The following SCN3A variants were observed in gnomAD, a reference collection of about 807,000 sequenced individuals.
SCN3A encodes sodium voltage-gated channel alpha subunit 3.
SCN3A carries 60 observed loss-of-function variants against 187.6 expected under a neutral mutation model. The observed-to-expected ratio is 0.32, with a 90% CI of 0.26 to 0.40. SCN3A has a LOEUF of 0.40. SCN3A is among the 10% of genes least tolerant of loss of function. The pLI, the probability that SCN3A is intolerant of heterozygous loss-of-function variation, is 1.00. For missense variants in SCN3A, 1,601 were observed against 2,428.2 expected, an observed-to-expected ratio of 0.66 and a Z score of 7.16; for synonymous variants, 788 against 829.2, an observed-to-expected ratio of 0.95 and a Z score of 0.85.
Position 165,176,457 on chromosome 2 carries a change from A to G in SCN3A, c.-50-13T>C, listed in dbSNP as rs1376537044. ...GCATACGAATTACCTGCAATAAAAG[A>G]AAAATTGCACAAGAGTTAGGAAAGC... On this transcript the variant is annotated splice_polypyrimidine_tract_variant and intron_variant, in intron 2 of 27. Transcript: ENST00000283254. 1 of 1,602,172 alleles carries G rather than the reference A, an allele frequency of 6.2e-7. No homozygotes were observed. The highest frequency in any genetic ancestry group is 8.5e-7 in the Non-Finnish European group (1 of 1,171,170).
In SCN3A at chr2:165,093,478, CTTATA is replaced by C. The variant is rs547304385; in HGVS notation, c.4536+891_4536+895del. The C allele has an allele frequency of 3.9e-4, 59 of 152,154 alleles. 1 individual carries two copies. In the East Asian group the frequency reaches 0.011, roughly 27 times the overall value. The allele number at this position is 152,154 out of a possible 1,614,324, so 9.4% of individuals were successfully genotyped here. On this transcript the variant is annotated intron_variant, in intron 26 of 27. Transcript: ENST00000283254. ...CAGGAACAACATGCTTTCAAAGATT[CTTATA>C]TTAATATGGCTAGTAAATACAGTTT...
chr2:165,170,190 A>G (rs549851298), intron 4 of SCN3A, among the ~76,000 whole-genome samples: 3 of 152,002 alleles, frequency 2.0e-5, no homozygotes, highest in Non-Finnish European at 1.5e-5. Flanking sequence ...TTTTCCTACT[A>G]TGTGTTTCCT....
intron 21 of SCN3A, among the ~76,000 whole-genome samples, chr2:165,112,566 C>T (rs958834723): frequency 2.0e-5 from 3 of 152,158 alleles, no homozygotes; most frequent in African/African-American, 4.8e-5. Flanking sequence ...TGTTAATAAG[C>T]TAAGTGCTTA....
chr2:165,143,011 CA>C (rs1688105729), intron 12 of SCN3A, among the ~76,000 whole-genome samples: 1 of 152,112 alleles, frequency 6.6e-6, no homozygotes, highest in South Asian at 2.1e-4. Flanking sequence ...CCTGGCCTCC[CA>C]AAGCCCTGAG....
At chr2:165,167,522 CAA>C in intron 5 of SCN3A, among the ~76,000 whole-genome samples, 1 of 152,164 alleles carries the variant, frequency 6.6e-6, no homozygotes, top group Non-Finnish European at 1.5e-5. Flanking sequence ...AAAAATATAA[CAA>C]TAAAAAGAGC....
chr2:165,201,421 A>G (rs1298194278), intron 1 of SCN3A, among the ~76,000 whole-genome samples: 1 of 152,094 alleles, frequency 6.6e-6, no homozygotes, highest in African/African-American at 2.4e-5. Context: ...GATAACAATA[A>G]TAACAATGAT....
rs375304941 is a variant in SCN3A, at chr2:165,199,625, T to TGGTA, written c.-248+4194_-248+4197dup. Among the ~76,000 whole-genome samples the TGGTA allele has an allele frequency of 8.8e-3, 1,336 of 151,970 alleles. 35 individuals are homozygous for TGGTA. Among genetic ancestry groups the TGGTA allele is most frequent in the African/African-American group, 0.03 (1,250 of 41,514 alleles). The stretch of plus-strand genomic sequence containing the variant: ...AAAATACTTGGCACATTGAAACTTG[T>TGGTA]GGTATCCAGTTAAGTAGGTATTCAT... On this transcript the variant is annotated intron_variant, in intron 1 of 27. Coordinates refer to ENST00000283254, the MANE Select transcript of SCN3A (RefSeq NM_006922.4).
intron 26 of SCN3A, 153 bp downstream of exon 26, chr2:165,094,221 G>A: frequency 1.3e-6 from 1 of 742,846 alleles, no homozygotes; most frequent in Non-Finnish European, 2.4e-6. Context: ...CCTAATGAGT[G>A]CAGAAGTTGT....
rs1401270415 is a variant in SCN3A, at chr2:165,112,962, G to A, written c.3766C>T (p.Leu1256Phe). Residue 1256 changes from leucine (L) to phenylalanine (F), a missense_variant, in exon 21 of 28, where the codon CTT becomes TTT. By Grantham distance (22) the Leu-to-Phe change is conservative. Transcript: ENST00000283254. ...AATCCATAAGCAACCCATTTGAGAA[G>A]CATTTCCAGAATGAATATATAGGTA... ...VFTYIFILEMLLKWVAYGFQT... is the reference protein window; with the variant it reads ...VFTYIFILEMFLKWVAYGFQT... 6.2e-7 allele frequency: 1 copy of A among 1,613,346 alleles called. No homozygotes were observed. The highest frequency in any genetic ancestry group is 2.2e-5 in the East Asian group (1 of 44,796).
chr2:165,157,263 A>G lies in SCN3A; in HGVS notation c.1032-1360T>C, dbSNP rs541938124. 3.3e-4 allele frequency among the ~76,000 whole-genome samples: 51 copies of G among 152,272 alleles called. No individual in the cohort carries two copies. The South Asian group carries it at 4.8e-3, about 14-fold the overall frequency. ...TGTTCCAGGATCCCATTCAGGATAC[A>G]CATCGCATTTAGTAGTTATGTCTTT... is the stretch of plus-strand genomic sequence containing the variant. On this transcript the variant is annotated intron_variant, in intron 9 of 27. Coordinates refer to ENST00000283254, the MANE Select transcript of SCN3A (RefSeq NM_006922.4).
At chr2:165,143,382 A>G (rs867238044) in intron 12 of SCN3A, among the ~76,000 whole-genome samples, 7 of 152,186 alleles carry the variant, frequency 4.6e-5, no homozygotes, top group South Asian at 2.1e-4. Flanking sequence ...TACATCCACT[A>G]TGTATCTGGG....
chr2:165,106,636 G>C (rs1442240022), intron 21 of SCN3A, among the ~76,000 whole-genome samples: 8 of 152,192 alleles, frequency 5.3e-5, no homozygotes, highest in Admixed American at 5.2e-4. Flanking sequence ...TGCTGCATAA[G>C]TTGTTGTGAA....
chr2:165,171,380 C>G (rs142148431), intron 3 of SCN3A, among the ~76,000 whole-genome samples: 43 of 152,070 alleles, frequency 2.8e-4, no homozygotes, highest in Non-Finnish European at 5.3e-4. Context: ...AATGCAAACT[C>G]CCTTCATTTC....
At chr2:165,138,385 T>G (rs1687798245) in intron 14 of SCN3A, among the ~76,000 whole-genome samples, 1 of 152,186 alleles carries the variant, frequency 6.6e-6, no homozygotes, top group African/African-American at 2.4e-5. Flanking sequence ...AGGTTATGAT[T>G]GATTAAAGTG....
chr2:165,109,442 T>A (rs1450124235), intron 21 of SCN3A, among the ~76,000 whole-genome samples: 1 of 152,186 alleles, frequency 6.6e-6, no homozygotes, highest in Non-Finnish European at 1.5e-5. Flanking sequence ...TGAATACATC[T>A]CTCTCCCACC....
chr2:165,194,909 C>A (rs1187854895), intron 1 of SCN3A: 1 of 151,904 alleles, frequency 6.6e-6, no homozygotes, highest in Non-Finnish European at 1.5e-5. Context: ...CCGAGCACAT[C>A]ATTGGCACCA....
chr2:165,147,686 A>AAAG (rs1359896938), intron 11 of SCN3A, among the ~76,000 whole-genome samples: 3 of 141,674 alleles, frequency 2.1e-5, no homozygotes, highest in Non-Finnish European at 3.1e-5. Flanking sequence ...TTAATATTAT[A>AAAG]AATAACAAAT....
chr2:165,134,983 T>TA (rs1315784832), intron 15 of SCN3A, among the ~76,000 whole-genome samples: 1 of 152,080 alleles, frequency 6.6e-6, no homozygotes, highest in Non-Finnish European at 1.5e-5. Flanking sequence ...AACTTTTCAT[T>TA]AAAAATAATA....
chr2:165,153,366 G>C (rs1418925829), intron 11 of SCN3A, among the ~76,000 whole-genome samples: 1 of 152,054 alleles, frequency 6.6e-6, no homozygotes, highest in Non-Finnish European at 1.5e-5. Context: ...AAATACTCAT[G>C]GTGTTGACTT....
Sources: gnomAD v4.1 joint callset for allele counts (sites outside exome capture counted in the v4.1 genomes callset) on GRCh38, gnomAD v4.1.1 for gene constraint, MANE v1.5 for transcripts, NCBI Gene and HGNC (gene_info 2026-07-23, HGNC 2026-07-21) for gene names.